Variants in ARHGEF2 observed in about 807,000 individuals in gnomAD.
ARHGEF2 encodes Rho/Rac guanine nucleotide exchange factor 2.
In ARHGEF2, 22 loss-of-function variants were observed where a neutral mutation model predicts 121.0. That is an observed-to-expected ratio of 0.18 (90% CI 0.13 to 0.26). ARHGEF2 has a LOEUF of 0.26. ARHGEF2 is among the 10% of genes least tolerant of loss of function. The probability of loss-of-function intolerance (pLI) is 1.00; values close to 1 mark genes in which losing one functional copy is unlikely to be tolerated. For missense variants in ARHGEF2, 907 were observed against 1,336.0 expected, an observed-to-expected ratio of 0.68 and a Z score of 5.01; for synonymous variants, 487 against 530.0, an observed-to-expected ratio of 0.92 and a Z score of 1.11.
At chr1:155,972,290 G>T in intron 1 of ARHGEF2, 1 of 464,208 alleles carries the variant, frequency 2.2e-6, no homozygotes. Context: ...AGGTGGGCCA[G>T]CAGCGGGCAG....
In ARHGEF2 at chr1:155,969,281, A is replaced by G. The variant is rs376342272; in HGVS notation, c.83T>C (p.Met28Thr). ...ATAGCGGGCATCCTTGGCTTCCTTC[A>G]TCTTCTCCTTTTCCCGGGTCTGTGG... ...LASKTREKEK[M>T]KEAKDARYTN... is the part of the protein sequence containing the mutation. Residue 28 changes from methionine (M) to threonine (T), a missense_variant, in exon 2 of 22, where the codon ATG (methionine) becomes ACG (threonine). Coordinates refer to ENST00000361247, the MANE Select transcript of ARHGEF2 (RefSeq NM_001162383.2). 108 of 1,613,998 alleles carry G rather than the reference A, an allele frequency of 6.7e-5. No individual in the cohort carries two copies. Among genetic ancestry groups the G allele is most frequent in the East Asian group, 2.2e-4 (10 of 44,898 alleles).
At position 155,957,738 on chromosome 1, in the gene ARHGEF2, G is replaced by A. The variant is rs1048859380; in HGVS notation, c.1690C>T (p.Arg564Trp). 9 of 1,613,720 alleles carry A rather than the reference G, an allele frequency of 5.6e-6. No individual in the cohort carries two copies. Among genetic ancestry groups the A allele is most frequent in the African/African-American group, 2.7e-5 (2 of 74,930 alleles). ...ASRDDRSTWI[R>W]VIQQSVRTCP... ...GTGCGCACGCTCTGCTGAATGACCC[G>A]GATCCAGGTGCTCCGGTCATCCCGG... The change falls in exon 13 of 22, where the codon CGG (arginine) becomes TGG (tryptophan). Residue 564 changes from arginine (R) to tryptophan (W), a missense_variant. Around this residue, in one of 2 missense-constraint regions of ARHGEF2, gnomAD observed 475 missense variants for 776.5 expected, o/e 0.61. Coordinates refer to ENST00000361247, the MANE Select transcript of ARHGEF2 (RefSeq NM_001162383.2).
At chr1:155,953,912 G>C (rs1293410682) in intron 14 of ARHGEF2, among the ~76,000 whole-genome samples, 2 of 152,118 alleles carry the variant, frequency 1.3e-5, no homozygotes, top group East Asian at 3.8e-4. Context: ...TGGCAGAGCT[G>C]CACCACTACT....
Position 155,952,172 on chromosome 1 carries a change from G to A in ARHGEF2, c.2048C>T (p.Pro683Leu), listed in dbSNP as rs375093056. The change falls in exon 16 of 22, where the codon CCA becomes CTA. Residue 683 changes from proline to leucine, a missense_variant. This residue lies in a region of ARHGEF2 where 432 missense variants were observed against 559.5 expected (regional missense o/e 0.77). Transcript: ENST00000361247. ...GCTGTCTGGTTCCAAGGGCAGGGCT[G>A]GCTCTCGGGGTGTCAAGAGCAGTTC... Reference protein sequence around the residue: ...GVELLLTPREPALPLEPDSGG... With the variant: ...GVELLLTPRELALPLEPDSGG... 6.8e-6 allele frequency: 11 copies of A among 1,614,034 alleles called. No homozygotes were observed. Among genetic ancestry groups the A allele is most frequent in the Non-Finnish European group, 8.5e-6 (10 of 1,180,040 alleles).
Position 155,963,127 on chromosome 1 carries a change from A to G in ARHGEF2, c.781T>C (p.Phe261Leu). 6.2e-7 allele frequency: 1 copy of G among 1,613,790 alleles called. No homozygotes were observed. The highest frequency in any genetic ancestry group is 8.5e-7 in the Non-Finnish European group (1 of 1,179,974). The change falls in exon 8 of 22, where the codon TTC becomes CTC. Residue 261 changes from phenylalanine (F) to leucine (L), a missense_variant. Phe to Leu is a conservative substitution (Grantham distance 22). Coordinates refer to ENST00000361247, the MANE Select transcript of ARHGEF2 (RefSeq NM_001162383.2). ...AGCTCTTCCAGCATCCCCGTGCGGA[A>G]GAGGCGGGTCATGATCTTCAGTGTC... ...VRTLKIMTRL[F>L]RTGMLEELHL... is the part of the protein sequence containing the mutation.
At position 155,978,287 on chromosome 1, in the gene ARHGEF2, CAGG is replaced by C; in HGVS notation, c.63+75_63+77del. The C allele has an allele frequency of 7.3e-7, 1 of 1,378,398 alleles. No homozygotes were observed. 85.4% of individuals were successfully genotyped at this position (1,378,398 alleles called of 1,614,324 possible). A position where few individuals can be genotyped will look rare whatever the true frequency, so the allele number is the denominator to read the frequency against. ...GGCGCCCAGAAAGCAGGCGGGGAGA[CAGG>C]AGATGCACCGCGGGTGCCGGGGTTC... On this transcript the variant is annotated intron_variant, in intron 1 of 21. Coordinates refer to ENST00000361247, the MANE Select transcript of ARHGEF2 (RefSeq NM_001162383.2). The surrounding 1 kb of genome is among the most constrained non-coding windows in gnomAD (Gnocchi z 4.1).
chr1:155,955,067 T>C, intron 13 of ARHGEF2, 98 bp from the exon 14 acceptor site: 1 of 969,582 alleles, frequency 1.0e-6, no homozygotes, highest in Non-Finnish European at 1.6e-6. Flanking sequence ...TATGCTTCCA[T>C]CTTCTGATAA....
At chr1:155,949,348 A>C (rs1185301873) in intron 21 of ARHGEF2, among the ~76,000 whole-genome samples, 1 of 152,134 alleles carries the variant, frequency 6.6e-6, no homozygotes, top group Non-Finnish European at 1.5e-5. Context: ...TTGGGAGGCC[A>C]AGGCAGGCGG....
intron 11 of ARHGEF2, among the ~76,000 whole-genome samples, chr1:155,959,396 C>T (rs1029308571): frequency 6.6e-5 from 10 of 151,818 alleles, no homozygotes; most frequent in African/African-American, 2.2e-4. Context: ...TTAAGGAGCA[C>T]GCCACAACAC....
At chr1:155,970,372 G>A (rs1276992432) in intron 1 of ARHGEF2, 1 of 985,288 alleles carries the variant, frequency 1.0e-6, no homozygotes, top group African/African-American at 1.7e-5. Context: ...TTCCCAAAAA[G>A]CCTGAGAAGG....
At position 155,952,710 on chromosome 1, in the gene ARHGEF2, G is replaced by A. The variant is rs564554337; in HGVS notation, c.1902C>T (p.Pro634=). 3.8e-5 allele frequency: 62 copies of A among 1,614,212 alleles called. No individual in the cohort carries two copies. The South Asian group carries it at 4.5e-4, about 12-fold the overall frequency. ...AGCGGAAAAGGCCCCTGGGCAGGGT[G>A]GGCAGGGCCATCCCACTGCCACCAT... ...EEDGGSGMAL[P]TLPRGLFRSE... is the part of the protein sequence containing the mutation. The change falls in exon 15 of 22, where the codon CCC becomes CCT. Residue 634 remains proline, a synonymous_variant. Coordinates refer to ENST00000361247, the MANE Select transcript of ARHGEF2 (RefSeq NM_001162383.2).
rs1679236600 is a variant in ARHGEF2 at position 155,965,698 on chromosome 1, G to A, written c.403C>T (p.Leu135=). The part of the protein sequence containing the change: ...YPSDSFRQSL[L]GSRRGRSSLS... Reference sequence around the variant, plus strand: ...GAGGAGCGGCCACGGCGGGAGCCCAGGAGGGACTGCCGGAAGCTGTCGGAG... The same window carrying A: ...GAGGAGCGGCCACGGCGGGAGCCCAAGAGGGACTGCCGGAAGCTGTCGGAG... Residue 135 remains leucine, a synonymous_variant, in exon 5 of 22, where the codon CTG becomes TTG. Coordinates refer to ENST00000361247, the MANE Select transcript of ARHGEF2 (RefSeq NM_001162383.2). This position sits in a 1 kb window ranked among gnomAD's most constrained non-coding sequence, Gnocchi z 6.0. The A allele has an allele frequency of 1.2e-6, 2 of 1,608,034 alleles. No individual in the cohort carries two copies. The highest frequency in any genetic ancestry group is 4.5e-5 in the East Asian group (2 of 44,860).
chr1:155,978,453 C>G lies in ARHGEF2; in HGVS notation c.-26G>C. On this transcript the variant is annotated 5_prime_UTR_variant, in exon 1 of 22. Transcript: ENST00000361247. The surrounding 1 kb of genome is among the most constrained non-coding windows in gnomAD (Gnocchi z 4.1). ...AATCGGACGGGGGGACCAGGGAGGA[C>G]GCGGCGCGGACCCCGGCGTCCTGTA... 1 of 1,454,264 alleles carries G rather than the reference C, an allele frequency of 6.9e-7. No homozygotes were observed. The highest frequency in any genetic ancestry group is 9.2e-7 in the Non-Finnish European group (1 of 1,085,932). 90.1% of individuals were successfully genotyped at this position (1,454,264 alleles called of 1,614,324 possible). A position where few individuals can be genotyped will look rare whatever the true frequency, so the allele number is the denominator to read the frequency against.
chr1:155,964,178 A>ATATATG (rs1553244972), intron 7 of ARHGEF2, among the ~76,000 whole-genome samples: 3 of 101,076 alleles, frequency 3.0e-5, no homozygotes, highest in South Asian at 6.2e-4. Flanking sequence ...ATATATATAT[A>ATATATG]TATATATATA....
chr1:155,948,634 A>G (rs1674777515), intron 21 of ARHGEF2, among the ~76,000 whole-genome samples: 1 of 151,694 alleles, frequency 6.6e-6, no homozygotes, highest in Non-Finnish European at 1.5e-5. Context: ...GTCTCAAAAA[A>G]AACAAAACAA....
chr1:155,978,550 C>G (rs1321134140), upstream of ARHGEF2: 7 of 1,269,222 alleles, frequency 5.5e-6, no homozygotes, highest in Non-Finnish European at 7.0e-6. This position sits in a 1 kb window ranked among gnomAD's most constrained non-coding sequence, Gnocchi z 4.1. Flanking sequence ...TCTGACTCCC[C>G]TCGCCCGGCA....
chr1:155,978,236 G>C lies in ARHGEF2; in HGVS notation c.63+129C>G. On this transcript the variant is annotated intron_variant, in intron 1 of 21. Transcript: ENST00000361247. This position sits in a 1 kb window ranked among gnomAD's most constrained non-coding sequence, Gnocchi z 4.1. ...CCCCACCCACCCCGTCCCGCCGCTC[G>C]CCGATCCACCGCTCCGCCCGATTTT... 4 of 1,127,730 alleles carry C rather than the reference G, an allele frequency of 3.5e-6. No individual in the cohort carries two copies. Among genetic ancestry groups the C allele is most frequent in the Non-Finnish European group, 2.2e-6 (2 of 895,544 alleles). The allele number at this position is 1,127,730 out of a possible 1,614,324, so 69.9% of individuals were successfully genotyped here.
At chr1:155,970,607 G>A (rs1408806033) in intron 1 of ARHGEF2, 1 of 985,368 alleles carries the variant, frequency 1.0e-6, no homozygotes, top group African/African-American at 1.7e-5. Context: ...TTACAGTTCA[G>A]CGGGAAGCAC....
At chr1:155,956,201 C>T (rs907822297) in intron 13 of ARHGEF2, among the ~76,000 whole-genome samples, 5 of 151,708 alleles carry the variant, frequency 3.3e-5, no homozygotes, top group Admixed American at 2.6e-4. Flanking sequence ...CGGGTTCAAG[C>T]GATTCTCCTG....
Sources: allele counts gnomAD v4.1 joint callset (sites outside exome capture counted in the v4.1 genomes callset), GRCh38; gene constraint gnomAD v4.1.1; regional missense constraint gnomAD v4.1.1; non-coding constraint Gnocchi (gnomAD v3.1); transcripts MANE v1.5; gene names NCBI Gene and HGNC (gene_info 2026-07-23, HGNC 2026-07-21).